RAP1GDS1: variants seen among roughly 807,000 people sequenced by gnomAD.
RAP1GDS1 encodes Rap1 GTPase-GDP dissociation stimulator 1.
In RAP1GDS1, 35 loss-of-function variants were observed where a neutral mutation model predicts 71.1. The ratio of observed to expected loss-of-function variants is 0.49; its 90% CI spans 0.38 to 0.65. RAP1GDS1 has a LOEUF of 0.65. Among genes scored for constraint, RAP1GDS1 ranks in the 30% least tolerant of loss-of-function variants. The pLI is 0.00. For missense variants in RAP1GDS1, 663 were observed against 706.1 expected, an observed-to-expected ratio of 0.94 and a Z score of 0.69; for synonymous variants, 229 against 243.1, an observed-to-expected ratio of 0.94 and a Z score of 0.54.
chr4:98,343,164 A>G lies in RAP1GDS1; in HGVS notation c.138A>G (p.Gln46=). ...ATACGGAAACAAGTGAAAAAATCCA[A>G]GCAAGTGGAATACTTCAGCTGTTTG... is the stretch of plus-strand genomic sequence containing the variant. ...QNNTETSEKI[Q]ASGILQLFAS... The change falls in exon 3 of 15, where the codon CAA becomes CAG. Residue 46 remains glutamine (Q), a synonymous_variant. Coordinates refer to ENST00000408927, the MANE Select transcript of RAP1GDS1 (RefSeq NM_001100427.2). 1 of 1,608,382 alleles carries G rather than the reference A, an allele frequency of 6.2e-7. No individual in the cohort carries two copies. The highest frequency in any genetic ancestry group is 1.1e-5 in the South Asian group (1 of 90,580).
At chr4:98,350,218 G>A (rs1390151574) in intron 3 of RAP1GDS1, among the ~76,000 whole-genome samples, 1 of 152,164 alleles carries the variant, frequency 6.6e-6, no homozygotes, top group African/African-American at 2.4e-5. Flanking sequence ...GCCATTGCCT[G>A]AATAGCAATA....
chr4:98,299,887 A>G (rs923101950), intron 2 of RAP1GDS1, among the ~76,000 whole-genome samples: 1 of 151,968 alleles, frequency 6.6e-6, no homozygotes, highest in African/African-American at 2.4e-5. Flanking sequence ...CCAAAGTACT[A>G]AGATTACAGA....
chr4:98,357,921 A>T (rs946403128), intron 4 of RAP1GDS1, among the ~76,000 whole-genome samples: 11 of 151,850 alleles, frequency 7.2e-5, no homozygotes, highest in African/African-American at 2.7e-4. Context: ...AGTGTGTGTG[A>T]CTCAGTGTAA....
At chr4:98,378,942 G>A (rs1019486160) in intron 4 of RAP1GDS1, 75 bp from the exon 5 acceptor site, 1 of 1,308,086 alleles carries the variant, frequency 7.6e-7, no homozygotes, top group African/African-American at 1.6e-5. Context: ...GAATAACACT[G>A]TTATGTTTTG....
At chr4:98,410,202 C>T (rs144307046) in intron 7 of RAP1GDS1, among the ~76,000 whole-genome samples, 111 of 152,200 alleles carry the variant, frequency 7.3e-4, no homozygotes, top group African/African-American at 2.4e-3. Flanking sequence ...TAACATATAA[C>T]TGACAGAGGG....
At chr4:98,312,808 G>A (rs577799414) in intron 2 of RAP1GDS1, among the ~76,000 whole-genome samples, 12 of 151,952 alleles carry the variant, frequency 7.9e-5, no homozygotes, top group South Asian at 6.2e-4. Context: ...GGTGGCTCAC[G>A]CCTGTAATCC....
chr4:98,425,885 T>C (rs1749544093), intron 12 of RAP1GDS1, among the ~76,000 whole-genome samples: 1 of 152,150 alleles, frequency 6.6e-6, no homozygotes, highest in African/African-American at 2.4e-5. Flanking sequence ...TTAACAGATA[T>C]TTACAGAACA....
intron 3 of RAP1GDS1, among the ~76,000 whole-genome samples, chr4:98,346,457 GA>G (rs1736276914): frequency 2.0e-5 from 3 of 152,020 alleles, no homozygotes; most frequent in Admixed American, 2.0e-4. Context: ...ATAAAGTTGA[GA>G]CTCCAGAAAA....
chr4:98,292,540 T>G (rs569761375), intron 1 of RAP1GDS1, among the ~76,000 whole-genome samples: 4 of 151,600 alleles, frequency 2.6e-5, no homozygotes, highest in African/African-American at 9.7e-5. Flanking sequence ...GTTCTGCAGA[T>G]GTAAGCCAGA....
chr4:98,332,971 T>C (rs1194678818), intron 2 of RAP1GDS1, among the ~76,000 whole-genome samples: 1 of 152,172 alleles, frequency 6.6e-6, no homozygotes, highest in Non-Finnish European at 1.5e-5. Context: ...ACAACATGCT[T>C]AGACTTTTTG....
intron 2 of RAP1GDS1, among the ~76,000 whole-genome samples, chr4:98,320,399 AC>A (rs745803153): frequency 3.2e-4 from 49 of 152,264 alleles, no homozygotes; most frequent in Non-Finnish European, 5.4e-4. Context: ...TGTCCCCGTT[AC>A]GTGATTCTCT....
chr4:98,436,083 T>C (rs77710405), intron 13 of RAP1GDS1, among the ~76,000 whole-genome samples: 109 of 133,176 alleles, frequency 8.2e-4, no homozygotes, highest in African/African-American at 3.8e-3. Context: ...AAAAAAAATA[T>C]ATATATATAT....
At chr4:98,309,122 A>C (rs1035341486) in intron 2 of RAP1GDS1, among the ~76,000 whole-genome samples, 55 of 152,100 alleles carry the variant, frequency 3.6e-4, no homozygotes, top group African/African-American at 1.3e-3. Flanking sequence ...TGCCAAATGA[A>C]TTTTGGTGTT....
chr4:98,331,769 C>G (rs946918779), intron 2 of RAP1GDS1, among the ~76,000 whole-genome samples: 3 of 152,116 alleles, frequency 2.0e-5, no homozygotes, highest in African/African-American at 7.2e-5. Context: ...AAAGTTAATT[C>G]TAGGTCAAAA....
intron 1 of RAP1GDS1, among the ~76,000 whole-genome samples, chr4:98,291,549 C>T (rs980816640): frequency 6.6e-6 from 1 of 151,984 alleles, no homozygotes; most frequent in African/African-American, 2.4e-5. Context: ...TGTTTCTTAC[C>T]CAAGCTTAGA....
chr4:98,387,270 A>G (rs1018934807), intron 5 of RAP1GDS1, among the ~76,000 whole-genome samples: 3 of 152,208 alleles, frequency 2.0e-5, no homozygotes, highest in Non-Finnish European at 2.9e-5. Flanking sequence ...AATAAGGTAA[A>G]CCTGTTATAA....
At position 98,277,206 on chromosome 4, in the gene RAP1GDS1, C is replaced by T. The variant is rs1256901832; in HGVS notation, c.4+15637C>T. ...GTTGATGGAAAACTGTTGTCCCTTT[C>T]GGACATTTCCACTAACAGAATCCAG... On this transcript the variant is annotated intron_variant, in intron 1 of 14. Transcript: ENST00000408927. Among the ~76,000 whole-genome samples, 3 of 152,174 alleles carry T rather than the reference C, an allele frequency of 2.0e-5. 1 individual carries two copies. Among genetic ancestry groups the T allele is most frequent in the South Asian group, 4.1e-4 (2 of 4,826 alleles).
At chr4:98,386,018 A>C (rs1198270244) in intron 5 of RAP1GDS1, among the ~76,000 whole-genome samples, 3 of 151,850 alleles carry the variant, frequency 2.0e-5, no homozygotes, top group Non-Finnish European at 2.9e-5. Context: ...TTCTCTTAAT[A>C]AATGCTGCTT....
At chr4:98,378,298 A>T (rs1251394212) in intron 4 of RAP1GDS1, among the ~76,000 whole-genome samples, 1 of 151,930 alleles carries the variant, frequency 6.6e-6, no homozygotes, top group Admixed American at 6.6e-5. Flanking sequence ...TGCAATGTAG[A>T]TGGACACATA....
Sources: allele counts gnomAD v4.1 joint callset (sites outside exome capture counted in the v4.1 genomes callset), GRCh38; gene constraint gnomAD v4.1.1; transcripts MANE v1.5; gene names NCBI Gene and HGNC (gene_info 2026-07-23, HGNC 2026-07-21).